The following KMT2A variants were observed in gnomAD, a reference collection of about 807,000 sequenced individuals.
The protein encoded by KMT2A is histone-lysine N-methyltransferase 2A.
Under a neutral mutation model 345.3 loss-of-function variants are expected in KMT2A, and 16 were observed. The observed-to-expected ratio is 0.05, with a 90% CI of 0.03 to 0.07. The LOEUF is 0.07. Among genes scored for constraint, KMT2A ranks in the 10% least tolerant of loss-of-function variants. KMT2A has a pLI of 1.00. For missense variants in KMT2A, 3,272 were observed against 4,841.6 expected (o/e 0.68, Z 9.62); for synonymous variants, 1,599 against 1,778.6 (o/e 0.90, Z 2.54).
intron 1 of KMT2A, chr11:118,439,171 AAAG>A (rs1226544891): frequency 3.2e-5 from 13 of 405,510 alleles, no homozygotes; most frequent in Non-Finnish European, 4.8e-5. Flanking sequence ...AAAAAAAAAA[AAAG>A]AAAAAAAAGA....
In KMT2A at chr11:118,526,317, G is replaced by A. The variant is rs1475079036; in HGVS notation, c.*4145G>A. 2.2e-5 allele frequency: 5 copies of A among 224,554 alleles called. No homozygotes were observed. The highest frequency in any genetic ancestry group is 1.1e-4 in the Admixed American group (2 of 17,454). The allele number at this position is 224,554 out of a possible 1,614,324, so 13.9% of individuals were successfully genotyped here. The stretch of plus-strand genomic sequence containing the variant: ...TGTTGGGGTTACCACCTGCATTTAG[G>A]GGAAAATTGTGTTCTGTGCTTTCCT... On this transcript the variant is annotated 3_prime_UTR_variant, in exon 36 of 36. Coordinates refer to ENST00000534358, the MANE Select transcript of KMT2A (RefSeq NM_001197104.2).
At position 118,472,787 on chromosome 11, in the gene KMT2A, C is replaced by T. The variant is rs1203844881; in HGVS notation, c.1628C>T (p.Thr543Met). The change falls in exon 3 of 36, where the codon ACG becomes ATG. Residue 543 changes from threonine (T) to methionine (M), a missense_variant. By Grantham distance (81) the Thr-to-Met change is moderately conservative (BLOSUM62 -1). This residue lies in a region of KMT2A where 180 missense variants were observed against 190.7 expected (regional missense o/e 0.94). Transcript: ENST00000534358. ...GAGAGAAGTTTTGGATCTAGAACGA[C>T]GAAAAAATTATCAACTCTACAAAGT... Reference protein sequence around the residue: ...VSERSFGSRTTKKLSTLQSAP... With the variant: ...VSERSFGSRTMKKLSTLQSAP... The T allele has an allele frequency of 1.3e-5, 21 of 1,613,528 alleles. No homozygotes were observed. Among genetic ancestry groups the T allele is most frequent in the Non-Finnish European group, 1.6e-5 (19 of 1,179,966 alleles).
intron 1 of KMT2A, chr11:118,448,970 A>G (rs529290401): frequency 1.3e-5 from 2 of 152,378 alleles, no homozygotes; most frequent in Admixed American, 6.5e-5. Flanking sequence ...GAGATGTAAA[A>G]TTCATAAAAC....
intron 1 of KMT2A, among the ~76,000 whole-genome samples, chr11:118,465,134 A>C (rs1315836080): frequency 6.6e-6 from 1 of 152,192 alleles, no homozygotes; most frequent in African/African-American, 2.4e-5. Flanking sequence ...CGGAGCATCT[A>C]GGCTGAGGCA....
In KMT2A at chr11:118,481,926, A is replaced by T; in HGVS notation, c.3846A>T (p.Glu1282Asp). ...EEGNVSAPGP[E>D]SKQATTPASR... ...GGAATGTCTCGGCCCCTGGGCCTGA[A>T]TCCAAACAGGCCACCACTCCAGCTT... Residue 1282 changes from glutamate to aspartate, a missense_variant, in exon 7 of 36, where the codon GAA (glutamate) becomes GAT (aspartate). Physicochemically the swap from Glu to Asp is conservative, Grantham distance 45. Around this residue, in one of 27 missense-constraint regions of KMT2A, gnomAD observed 168 missense variants for 216.0 expected, o/e 0.78. Transcript: ENST00000534358. 6.2e-7 allele frequency: 1 copy of T among 1,614,222 alleles called. No individual in the cohort carries two copies. The highest frequency in any genetic ancestry group is 8.5e-7 in the Non-Finnish European group (1 of 1,180,034).
At chr11:118,454,716 T>C (rs1949607260) in intron 1 of KMT2A, among the ~76,000 whole-genome samples, 1 of 151,530 alleles carries the variant, frequency 6.6e-6, no homozygotes, top group Admixed American at 6.6e-5. Context: ...AGTCAGGGAC[T>C]GTCTGTCCAT....
chr11:118,511,512 T>C (rs1555050071), intron 30 of KMT2A, among the ~76,000 whole-genome samples: 1 of 152,188 alleles, frequency 6.6e-6, no homozygotes, highest in Non-Finnish European at 1.5e-5. Flanking sequence ...CTGTAAGGAT[T>C]TTCTAGTTCT....
chr11:118,472,339 C>T lies in KMT2A; in HGVS notation c.1180C>T (p.Leu394=), dbSNP rs182218872. 6.2e-7 allele frequency: 1 copy of T among 1,613,980 alleles called. No homozygotes were observed. The highest frequency in any genetic ancestry group is 1.3e-5 in the African/African-American group (1 of 74,884). The change falls in exon 3 of 36, where the codon CTG becomes TTG. Residue 394 remains leucine (L), a synonymous_variant. Coordinates refer to ENST00000534358, the MANE Select transcript of KMT2A (RefSeq NM_001197104.2). ...GAAAATTGAAAAAGAAGCAGCTCAG[C>T]TGCAGGGAAGAAAGGTGAAGACACA... The part of the protein sequence containing the change: ...QKKIEKEAAQ[L]QGRKVKTQVK...
chr11:118,458,861 C>A (rs190072394), intron 1 of KMT2A, among the ~76,000 whole-genome samples: 1 of 152,300 alleles, frequency 6.6e-6, no homozygotes, highest in South Asian at 2.1e-4. Context: ...ATTTCTTCAA[C>A]TTTAGTTGTT....
chr11:118,474,329 C>G lies in KMT2A; in HGVS notation c.3156+14C>G, dbSNP rs782068215. 6.2e-7 allele frequency: 1 copy of G among 1,607,208 alleles called. No homozygotes were observed. Among genetic ancestry groups the G allele is most frequent in the South Asian group, 1.1e-5 (1 of 90,754 alleles). Reference sequence around the variant, plus strand: ...CCCAAAGCACAGGTACTCTTTTCCACCTTGCCTATTAAAACTAACAGTTTA... The same window carrying G: ...CCCAAAGCACAGGTACTCTTTTCCAGCTTGCCTATTAAAACTAACAGTTTA... On this transcript the variant is annotated intron_variant, in intron 3 of 35. Transcript: ENST00000534358.
At position 118,495,952 on chromosome 11, in the gene KMT2A, CG is replaced by C; in HGVS notation, c.5557+60del. On this transcript the variant is annotated intron_variant, in intron 19 of 35. Transcript: ENST00000534358. The surrounding 1 kb of genome is among the most constrained non-coding windows in gnomAD (Gnocchi z 4.1). The stretch of plus-strand genomic sequence containing the variant: ...CCCTCTAGATGCAGATGATTGACTT[CG>C]TGAATCCAATTCACTAAAATTAGAT... 1 of 1,372,262 alleles carries C rather than the reference CG, an allele frequency of 7.3e-7. No homozygotes were observed. The highest frequency in any genetic ancestry group is 1.0e-6 in the Non-Finnish European group (1 of 994,714). 85.0% of individuals were successfully genotyped at this position (1,372,262 alleles called of 1,614,324 possible). A position where few individuals can be genotyped will look rare whatever the true frequency, so the allele number is the denominator to read the frequency against.
In KMT2A at chr11:118,476,805, G is replaced by C; in HGVS notation, c.3157G>C (p.Gly1053Arg). ...TGTTTTTGGATTGCCTCATATTCAG[G>C]GTCAAGAAAGTGACTCATCAGAGAC... The part of the protein sequence containing the change: ...LKQTDQPKAQ[G>R]QESDSSETSV... The change falls in exon 4 of 36, where the codon GGT becomes CGT. Residue 1053 changes from glycine to arginine, a missense_variant and splice_region_variant. This residue lies in a region of KMT2A where 29 missense variants were observed against 27.1 expected (regional missense o/e 1.07). Coordinates refer to ENST00000534358, the MANE Select transcript of KMT2A (RefSeq NM_001197104.2). This position sits in a 1 kb window ranked among gnomAD's most constrained non-coding sequence, Gnocchi z 4.1. 1.2e-6 allele frequency: 2 copies of C among 1,601,504 alleles called. No individual in the cohort carries two copies. Among genetic ancestry groups the C allele is most frequent in the Non-Finnish European group, 1.7e-6 (2 of 1,170,356 alleles).
chr11:118,514,383 G>C (rs909350390), intron 31 of KMT2A, among the ~76,000 whole-genome samples: 3 of 151,324 alleles, frequency 2.0e-5, no homozygotes, highest in Non-Finnish European at 4.4e-5. Context: ...CACTGCTCAA[G>C]ATTCTTTGTT....
intron 28 of KMT2A, chr11:118,507,845 C>G (rs1950614225): frequency 9.9e-6 from 4 of 404,756 alleles, no homozygotes; most frequent in Non-Finnish European, 1.9e-5. Flanking sequence ...CGCCTGTAGT[C>G]CCAGCCACTC....
intron 29 of KMT2A, 44 bp from the exon 30 acceptor site, chr11:118,509,904 T>G (rs1307269013): frequency 6.9e-7 from 1 of 1,444,160 alleles, no homozygotes; most frequent in Non-Finnish European, 9.5e-7. Context: ...CAGTGCTCAG[T>G]GAGCATTTGT....
intron 1 of KMT2A, among the ~76,000 whole-genome samples, chr11:118,465,369 T>C (rs1949824774): frequency 6.6e-6 from 1 of 152,238 alleles, no homozygotes; most frequent in African/African-American, 2.4e-5. Context: ...GCTGGTATCA[T>C]GGCTTACAAA....
chr11:118,470,784 T>C (rs1302670343), intron 2 of KMT2A, among the ~76,000 whole-genome samples: 7 of 152,190 alleles, frequency 4.6e-5, no homozygotes, highest in African/African-American at 1.7e-4. Context: ...AATAGCCTAG[T>C]CTTACTACTT....
chr11:118,437,407 G>A (rs1949212586), intron 1 of KMT2A, among the ~76,000 whole-genome samples: 1 of 151,968 alleles, frequency 6.6e-6, no homozygotes, highest in African/African-American at 2.4e-5. Context: ...CTCATCCAGG[G>A]CCACGTTCTC....
chr11:118,472,819 C>G lies in KMT2A; in HGVS notation c.1660C>G (p.Gln554Glu). 1 of 1,613,864 alleles carries G rather than the reference C, an allele frequency of 6.2e-7. No individual in the cohort carries two copies. Among genetic ancestry groups the G allele is most frequent in the Non-Finnish European group, 8.5e-7 (1 of 1,179,968 alleles). The change falls in exon 3 of 36, where the codon CAG (glutamine) becomes GAG (glutamate). Residue 554 changes from glutamine to glutamate, a missense_variant. Gln to Glu is a conservative substitution (Grantham distance 29). Coordinates refer to ENST00000534358, the MANE Select transcript of KMT2A (RefSeq NM_001197104.2). ...ATTATCAACTCTACAAAGTGCCCCC[C>G]AGCAGCAGACCTCCTCGTCTCCACC... ...KKLSTLQSAPQQQTSSSPPPP... is the reference protein window; with the variant it reads ...KKLSTLQSAPEQQTSSSPPPP...
Sources: gnomAD v4.1 joint callset for allele counts (sites outside exome capture counted in the v4.1 genomes callset) on GRCh38, gnomAD v4.1.1 for gene constraint, gnomAD v4.1.1 regional missense constraint, Gnocchi (gnomAD v3.1) non-coding constraint, MANE v1.5 for transcripts, NCBI Gene and HGNC (gene_info 2026-07-23, HGNC 2026-07-21) for gene names.